ZMIZ2: variants seen among roughly 807,000 people sequenced by gnomAD.
ZMIZ2 encodes zinc finger MIZ domain-containing protein 2.
A neutral mutation model predicts 93.9 loss-of-function variants in ZMIZ2; 26 were observed. The observed-to-expected ratio is 0.28, with a 90% CI of 0.20 to 0.38. The LOEUF (loss-of-function observed/expected upper bound fraction) is 0.38. Ranked by LOEUF, ZMIZ2 falls within the 10% of genes least tolerant of loss-of-function variation. The probability of loss-of-function intolerance (pLI) is 1.00; values close to 1 mark genes in which losing one functional copy is unlikely to be tolerated. For missense variants in ZMIZ2, 1,023 were observed against 1,235.0 expected (o/e 0.83, Z 2.57); for synonymous variants, 485 against 516.4 (o/e 0.94, Z 0.82).
Position 44,763,088 on chromosome 7 carries a change from C to A in ZMIZ2, c.1702+102C>A. ...GGGCACCTCCTCGTGTCACACCAGG[C>A]CTTCTCCTTGGACAGGTGGCTCTGC... On this transcript the variant is annotated intron_variant, in intron 12 of 18. Coordinates refer to ENST00000309315, the MANE Select transcript of ZMIZ2 (RefSeq NM_031449.4). This position sits in a 1 kb window ranked among gnomAD's most constrained non-coding sequence, Gnocchi z 5.6. 6.9e-7 allele frequency: 1 copy of A among 1,442,594 alleles called. No homozygotes were observed. Among genetic ancestry groups the A allele is most frequent in the Non-Finnish European group, 9.5e-7 (1 of 1,049,966 alleles). The allele number at this position is 1,442,594 out of a possible 1,614,324, so 89.4% of individuals were successfully genotyped here.
rs775034948 is a variant in ZMIZ2 at position 44,767,595 on chromosome 7, A to G, written c.2735A>G (p.Asp912Gly). ...GACCTCCCTACGAACAACAATGACG[A>G]CCTGCTTTCTCTGTTTGAGAACAAC... is the stretch of plus-strand genomic sequence containing the variant. ...PPDLPTNNNDDLLSLFENN is the reference protein window; with the variant it reads ...PPDLPTNNNDGLLSLFENN Residue 912 changes from aspartate (D) to glycine (G), a missense_variant, in exon 19 of 19, where the codon GAC (aspartate) becomes GGC (glycine). This residue lies in a region of ZMIZ2 where 319 missense variants were observed against 358.8 expected (regional missense o/e 0.89). Transcript: ENST00000309315. 6.2e-7 allele frequency: 1 copy of G among 1,614,084 alleles called. No individual in the cohort carries two copies.
At chr7:44,760,100 C>T (rs750232766) in intron 7 of ZMIZ2, 51 bp from the exon 8 acceptor site, 21 of 1,608,504 alleles carry the variant, frequency 1.3e-5, no homozygotes, top group Middle Eastern at 1.7e-4. Context: ...CCAGGGGGCC[C>T]GGCAGGGGTC....
chr7:44,764,683 G>A (rs902959248), intron 14 of ZMIZ2, among the ~76,000 whole-genome samples, 197 bp downstream of exon 14: 1 of 152,216 alleles, frequency 6.6e-6, no homozygotes, highest in African/African-American at 2.4e-5. Context: ...GTCACCTTGT[G>A]CAGAGTCACT....
intron 7 of ZMIZ2, chr7:44,759,748 T>C (rs73109470): frequency 0.1 from 47,961 of 463,292 alleles, 2,946 homozygotes; most frequent in Admixed American, 0.15. Context: ...GAGCAGCAGG[T>C]GGGTACCCAA....
chr7:44,767,462 C>T (rs1253911603), intron 18 of ZMIZ2, 54 bp from the exon 19 acceptor site: 2 of 1,410,386 alleles, frequency 1.4e-6, no homozygotes, highest in Admixed American at 1.7e-5. Context: ...GATGGTCACT[C>T]AGGTGTGGCC....
intron 11 of ZMIZ2, among the ~76,000 whole-genome samples, chr7:44,762,556 G>C (rs1020762470): frequency 5.9e-5 from 9 of 152,210 alleles, no homozygotes; most frequent in African/African-American, 2.2e-4. Flanking sequence ...TGTGCGAGCA[G>C]GGGGAACGTT....
In ZMIZ2 at chr7:44,761,824, C is replaced by T. The variant is rs750381488; in HGVS notation, c.1515C>T (p.Thr505=). The part of the protein sequence containing the change: ...PLTIERGDNK[T]SHKPLYLKHV... ...CCATCGAGCGTGGCGACAACAAGAC[C>T]TCGCACAAGCCACTCTACCTGAAGC... The change falls in exon 11 of 19, where the codon ACC becomes ACT. Residue 505 remains threonine, a synonymous_variant. Coordinates refer to ENST00000309315, the MANE Select transcript of ZMIZ2 (RefSeq NM_031449.4). The surrounding 1 kb of genome is among the most constrained non-coding windows in gnomAD (Gnocchi z 5.8). 5 of 1,613,526 alleles carry T rather than the reference C, an allele frequency of 3.1e-6. No homozygotes were observed. In the African/African-American group the frequency reaches 6.7e-5, roughly 22 times the overall value.
intron 1 of ZMIZ2, among the ~76,000 whole-genome samples, chr7:44,755,442 C>G (rs1458784862): frequency 6.6e-6 from 1 of 152,160 alleles, no homozygotes; most frequent in East Asian, 1.9e-4. Flanking sequence ...TTGGTGGAAT[C>G]TGGGTCAGTT....
intron 3 of ZMIZ2, 112 bp from the exon 4 acceptor site, chr7:44,756,835 C>T: frequency 7.4e-7 from 1 of 1,343,858 alleles, no homozygotes; most frequent in Non-Finnish European, 1.0e-6. Flanking sequence ...CCTGTCCCCC[C>T]CACCTCTCCC....
Position 44,767,508 on chromosome 7 carries a change from G to A in ZMIZ2, c.2656-8G>A. ...CAAAGCTGCTAACAGAGTTCACTTT[G>A]TCCTCAGCTGCTCCCGGAACTGACC... is the stretch of plus-strand genomic sequence containing the variant. On this transcript the variant is annotated splice_region_variant and splice_polypyrimidine_tract_variant and intron_variant, in intron 18 of 18. Coordinates refer to ENST00000309315, the MANE Select transcript of ZMIZ2 (RefSeq NM_031449.4). 1.2e-6 allele frequency: 2 copies of A among 1,612,812 alleles called. No homozygotes were observed. Among genetic ancestry groups the A allele is most frequent in the Non-Finnish European group, 1.7e-6 (2 of 1,178,840 alleles).
At chr7:44,757,287 T>TC in intron 4 of ZMIZ2, 91 bp from the exon 5 acceptor site, 2 of 1,527,678 alleles carry the variant, frequency 1.3e-6, no homozygotes, top group African/African-American at 1.4e-5. Flanking sequence ...AAGAATGGGC[T>TC]CCCCCTGGGT....
rs1791862074 is a variant in ZMIZ2, at chr7:44,767,720, C to T, written c.*97C>T. The T allele has an allele frequency of 1.9e-6, 2 of 1,072,800 alleles. No individual in the cohort carries two copies. Among genetic ancestry groups the T allele is most frequent in the East Asian group, 4.9e-5 (2 of 40,546 alleles). 66.5% of individuals were successfully genotyped at this position (1,072,800 alleles called of 1,614,324 possible). On this transcript the variant is annotated 3_prime_UTR_variant, in exon 19 of 19. Coordinates refer to ENST00000309315, the MANE Select transcript of ZMIZ2 (RefSeq NM_031449.4). Reference sequence around the variant, plus strand: ...CCCCATGGGACACCCGGTGGTCTTTCCCAAACCTCCCCCAAAACACACCTG... The same window carrying T: ...CCCCATGGGACACCCGGTGGTCTTTTCCAAACCTCCCCCAAAACACACCTG...
rs975395498 is a variant in ZMIZ2 at position 44,766,938 on chromosome 7, T to A, written c.2655+275T>A. On this transcript the variant is annotated intron_variant, in intron 18 of 18. Transcript: ENST00000309315. This position sits in a 1 kb window ranked among gnomAD's most constrained non-coding sequence, Gnocchi z 4.4. ...GCACTGGAAGCTGACAGCACGGTCC[T>A]TAGAGTCAAATTTCGTCTGTCCATT... Among the ~76,000 whole-genome samples the A allele has an allele frequency of 1.3e-5, 2 of 152,138 alleles. No homozygotes were observed. Among genetic ancestry groups the A allele is most frequent in the Non-Finnish European group, 2.9e-5 (2 of 68,018 alleles).
Position 44,757,123 on chromosome 7 carries a change from C to T in ZMIZ2, c.342C>T (p.Tyr114=), listed in dbSNP as rs1583622417. ...AAGGCGTGTACAGCCGCGGGGGCTA[C>T]CCTGGGGCCCCCGGCTTCACCACCG... is the stretch of plus-strand genomic sequence containing the variant. ...VQQGVYSRGG[Y]PGAPGFTTGY... Residue 114 remains tyrosine (Y), a synonymous_variant, in exon 4 of 19, where the codon TAC becomes TAT. Transcript: ENST00000309315. The T allele has an allele frequency of 2.5e-6, 4 of 1,596,122 alleles. No individual in the cohort carries two copies. The highest frequency in any genetic ancestry group is 1.4e-5 in the African/African-American group (1 of 73,956).
Position 44,765,709 on chromosome 7 carries a change from C to T in ZMIZ2, c.2242+130C>T, listed in dbSNP as rs913403966. ...CACCTAGGTTATCAGTGTTGCCACA[C>T]AAAACATGCCGCGGGGCACCTCCAG... On this transcript the variant is annotated intron_variant, in intron 16 of 18. Coordinates refer to ENST00000309315, the MANE Select transcript of ZMIZ2 (RefSeq NM_031449.4). The surrounding 1 kb of genome is among the most constrained non-coding windows in gnomAD (Gnocchi z 4.1). 4 of 1,368,170 alleles carry T rather than the reference C, an allele frequency of 2.9e-6. No homozygotes were observed. The Admixed American group carries it at 9.2e-5, about 31-fold the overall frequency. The allele number at this position is 1,368,170 out of a possible 1,614,324, so 84.8% of individuals were successfully genotyped here. A position where few individuals can be genotyped will look rare whatever the true frequency, so the allele number is the denominator to read the frequency against.
intron 4 of ZMIZ2, 85 bp from the exon 5 acceptor site, chr7:44,757,293 T>G: frequency 6.5e-7 from 1 of 1,537,836 alleles, no homozygotes; most frequent in South Asian, 1.2e-5. Flanking sequence ...GGGCTCCCCC[T>G]GGGTGCTGCA....
rs1180038395 is a variant in ZMIZ2, at chr7:44,756,448, CTG to C, written c.77_78del (p.Val26AlafsTer70). On this transcript the variant is annotated frameshift_variant, in exon 3 of 19. Transcript: ENST00000309315. LOFTEE classifies it high-confidence loss of function. ...AGTGATGGTTCATTCGCATATGAGT[CTG>C]TGCCTTGGCAACAAAGCGCCACTCA... The C allele has an allele frequency of 3.7e-6, 6 of 1,614,094 alleles. No homozygotes were observed. Among genetic ancestry groups the C allele is most frequent in the Non-Finnish European group, 5.1e-6 (6 of 1,180,028 alleles).
In ZMIZ2 at chr7:44,759,394, G is replaced by T. The variant is rs1315576973; in HGVS notation, c.927G>T (p.Arg309Ser). The change falls in exon 7 of 19, where the codon AGG (arginine) becomes AGT (serine). Residue 309 changes from arginine to serine, a missense_variant. By Grantham distance (110) the Arg-to-Ser change is moderately radical. This residue lies in a region of ZMIZ2 where 656 missense variants were observed against 777.1 expected (regional missense o/e 0.84). Coordinates refer to ENST00000309315, the MANE Select transcript of ZMIZ2 (RefSeq NM_031449.4). ...CCTCCCCTTCCTACCCTGGGCACAGGCTGCCCCTGCAGCAGGGCATGACCC... is the reference window on the plus strand; with the variant it reads ...CCTCCCCTTCCTACCCTGGGCACAGTCTGCCCCTGCAGCAGGGCATGACCC... ...PAPSPSYPGH[R>S]LPLQQGMTQS... The T allele has an allele frequency of 6.2e-7, 1 of 1,603,766 alleles. No homozygotes were observed. Among genetic ancestry groups the T allele is most frequent in the Non-Finnish European group, 8.5e-7 (1 of 1,175,560 alleles).
chr7:44,760,063 G>C lies in ZMIZ2; in HGVS notation c.994-88G>C, dbSNP rs964880755. On this transcript the variant is annotated intron_variant, in intron 7 of 18. Coordinates refer to ENST00000309315, the MANE Select transcript of ZMIZ2 (RefSeq NM_031449.4). ...AATACAAGAGAGTGTAAAGAAGACCGTGTATGGTGGGCTTCTAGGGTCAGG... is the reference window on the plus strand; with the variant it reads ...AATACAAGAGAGTGTAAAGAAGACCCTGTATGGTGGGCTTCTAGGGTCAGG... 4 of 1,328,906 alleles carry C rather than the reference G, an allele frequency of 3.0e-6. No individual in the cohort carries two copies. In the Admixed American group the frequency reaches 7.2e-5, roughly 24 times the overall value. The allele number at this position is 1,328,906 out of a possible 1,614,324, so 82.3% of individuals were successfully genotyped here.
Sources: gnomAD v4.1 joint callset for allele counts (sites outside exome capture counted in the v4.1 genomes callset) on GRCh38, gnomAD v4.1.1 for gene constraint, gnomAD v4.1.1 regional missense constraint, Gnocchi (gnomAD v3.1) non-coding constraint, MANE v1.5 for transcripts, NCBI Gene and HGNC (gene_info 2026-07-23, HGNC 2026-07-21) for gene names.